SPIDR: variants seen among roughly 807,000 people sequenced by gnomAD.
SPIDR encodes the protein DNA repair-scaffolding protein.
SPIDR carries 93 observed loss-of-function variants against 104.6 expected under a neutral mutation model. The observed-to-expected ratio is 0.89, with a 90% confidence interval of 0.75 to 1.06. The LOEUF (loss-of-function observed/expected upper bound fraction) is 1.06. SPIDR is among the 50% of genes least tolerant of loss of function. The pLI is 0.00. For synonymous variants in SPIDR, 431 were observed against 416.9 expected (o/e 1.03, Z -0.41); for missense variants, 1,154 against 1,111.2 (o/e 1.04, Z -0.55).
intron 10 of SPIDR, among the ~76,000 whole-genome samples, chr8:47,623,882 G>A (rs1168719801): frequency 1.3e-5 from 2 of 152,102 alleles, no homozygotes; most frequent in African/African-American, 2.4e-5. Context: ...TGCACCAAGT[G>A]GAACTAATAG....
chr8:47,396,383 C>T lies in SPIDR; in HGVS notation c.533C>T (p.Ser178Phe). The change falls in exon 6 of 20, where the codon TCT becomes TTT. Residue 178 changes from serine (S) to phenylalanine (F), a missense_variant. By Grantham distance (155) the Ser-to-Phe change is radical (BLOSUM62 -2). Transcript: ENST00000297423. ...EKLSELPKPS[S>F]IEILEYSSDS... The stretch of plus-strand genomic sequence containing the variant: ...CTTTTAATTTTTTTTCAGCCAAGTT[C>T]TATAGAAATTTTAGAGTATTCATCA... The T allele has an allele frequency of 6.2e-7, 1 of 1,600,730 alleles. No individual in the cohort carries two copies. Among genetic ancestry groups the T allele is most frequent in the South Asian group, 1.1e-5 (1 of 89,952 alleles).
At chr8:47,506,604 CGA>C (rs2081521550) in intron 8 of SPIDR, among the ~76,000 whole-genome samples, 1 of 151,886 alleles carries the variant, frequency 6.6e-6, no homozygotes, top group Non-Finnish European at 1.5e-5. Flanking sequence ...CTTGCCACAC[CGA>C]GAGAGGAAGA....
chr8:47,300,219 A>G (rs2041798268), intron 5 of SPIDR, among the ~76,000 whole-genome samples: 1 of 151,894 alleles, frequency 6.6e-6, no homozygotes, highest in Non-Finnish European at 1.5e-5. Flanking sequence ...TTTCTCCTAG[A>G]TTTTCTAATT....
chr8:47,597,010 T>A (rs1002512876), intron 9 of SPIDR, among the ~76,000 whole-genome samples: 1 of 152,198 alleles, frequency 6.6e-6, no homozygotes, highest in African/African-American at 2.4e-5. Context: ...TCTCCTTGGA[T>A]AACAATGCCT....
chr8:47,565,254 AAG>A (rs2057637572), intron 8 of SPIDR, among the ~76,000 whole-genome samples: 1 of 152,180 alleles, frequency 6.6e-6, no homozygotes. Context: ...CTCAAAAAGA[AAG>A]AGGAGAAGAG....
intron 1 of SPIDR, among the ~76,000 whole-genome samples, chr8:47,276,086 C>G (rs2036370582): frequency 1.3e-5 from 2 of 152,180 alleles, no homozygotes; most frequent in South Asian, 4.1e-4. Flanking sequence ...GTCTCAAACT[C>G]CGGGGCTCAA....
chr8:47,574,496 G>C (rs559171368), intron 8 of SPIDR, among the ~76,000 whole-genome samples: 3 of 151,996 alleles, frequency 2.0e-5, no homozygotes, highest in Admixed American at 6.6e-5. Context: ...GGTGGCTCAC[G>C]CCTGTAATCT....
At chr8:47,444,861 A>G (rs1040051984) in intron 8 of SPIDR, among the ~76,000 whole-genome samples, 5 of 152,174 alleles carry the variant, frequency 3.3e-5, no homozygotes, top group Admixed American at 1.3e-4. Flanking sequence ...CACTTTCCAT[A>G]TTCTCAGGAT....
rs757736722 is a variant in SPIDR, at chr8:47,712,782, C to T, written c.2098C>T (p.Pro700Ser). The change falls in exon 15 of 20, where the codon CCC (proline) becomes TCC (serine). Residue 700 changes from proline (P) to serine (S), a missense_variant. By Grantham distance (74) the Pro-to-Ser change is moderately conservative. Coordinates refer to ENST00000297423, the MANE Select transcript of SPIDR (RefSeq NM_001080394.4). ...LPKTLLVYVA[P>S]LCVLGSEVLE... is the part of the protein sequence containing the mutation. ...CAAAACCCTGCTGGTCTATGTGGCCCCCTTGTGTGTGCTGGGCTCTGAAGT... is the reference window on the plus strand; with the variant it reads ...CAAAACCCTGCTGGTCTATGTGGCCTCCTTGTGTGTGCTGGGCTCTGAAGT... 31 of 1,614,020 alleles carry T rather than the reference C, an allele frequency of 1.9e-5. No homozygotes were observed. In the South Asian group the frequency reaches 3.0e-4, roughly 15 times the overall value.
intron 5 of SPIDR, among the ~76,000 whole-genome samples, chr8:47,306,812 G>A (rs2043164189): frequency 1.3e-5 from 2 of 152,144 alleles, no homozygotes; most frequent in South Asian, 4.2e-4. Context: ...TTGTCTTCTT[G>A]TTGTATCAAA....
chr8:47,660,293 T>G (rs2073895478), intron 10 of SPIDR, among the ~76,000 whole-genome samples: 1 of 152,240 alleles, frequency 6.6e-6, no homozygotes. Context: ...AAAAAAATTC[T>G]TAAAGACAAA....
chr8:47,572,811 G>A (rs2058687735), intron 8 of SPIDR, among the ~76,000 whole-genome samples: 1 of 152,142 alleles, frequency 6.6e-6, no homozygotes, highest in African/African-American at 2.4e-5. Flanking sequence ...CCATCGGATG[G>A]GTCTGTTTCC....
rs527671003 is a variant in SPIDR, at chr8:47,631,210, G to A, written c.1544+32014G>A. On this transcript the variant is annotated intron_variant, in intron 10 of 19. Transcript: ENST00000297423. ...TGCAACCCATGGATCCTCTGACTCT[G>A]AAGTGGGCAGACGGGCACCCTAGAC... Among the ~76,000 whole-genome samples the A allele has an allele frequency of 2.0e-5, 3 of 152,320 alleles. No homozygotes were observed. In the South Asian group the frequency reaches 6.2e-4, roughly 32 times the overall value.
chr8:47,579,362 C>G (rs943671702), intron 8 of SPIDR, among the ~76,000 whole-genome samples: 1 of 152,150 alleles, frequency 6.6e-6, no homozygotes, highest in Non-Finnish European at 1.5e-5. Flanking sequence ...GTCTTGAGAA[C>G]CAGAATTATG....
chr8:47,726,601 G>T (rs1302694800), intron 16 of SPIDR, among the ~76,000 whole-genome samples: 3 of 152,180 alleles, frequency 2.0e-5, no homozygotes, highest in Non-Finnish European at 4.4e-5. Flanking sequence ...GGCCCCGTGT[G>T]GCCCGCCCTG....
intron 7 of SPIDR, among the ~76,000 whole-genome samples, chr8:47,420,899 G>T (rs143651800): frequency 0.048 from 7,277 of 152,276 alleles, 214 homozygotes; most frequent in Middle Eastern, 0.061. Flanking sequence ...GAAATTCTGG[G>T]TTGAAAATTA....
chr8:47,285,129 G>A (rs1411637495), intron 3 of SPIDR, among the ~76,000 whole-genome samples: 7 of 152,174 alleles, frequency 4.6e-5, no homozygotes, highest in Admixed American at 4.6e-4. Context: ...CTAATTAAAG[G>A]TGCTTCAGTA....
intron 19 of SPIDR, among the ~76,000 whole-genome samples, chr8:47,730,511 C>T (rs1015738913): frequency 2.0e-5 from 3 of 152,096 alleles, no homozygotes; most frequent in Non-Finnish European, 4.4e-5. Flanking sequence ...CTGGGGAGGC[C>T]GATCATGCCT....
At chr8:47,514,227 G>GT (rs1300159333) in intron 8 of SPIDR, among the ~76,000 whole-genome samples, 8 of 152,188 alleles carry the variant, frequency 5.3e-5, no homozygotes, top group Non-Finnish European at 1.0e-4. Context: ...ACTGATTGAG[G>GT]TTTTTTTCAT....
Sources: gnomAD v4.1 joint callset for allele counts (sites outside exome capture counted in the v4.1 genomes callset) on GRCh38, gnomAD v4.1.1 for gene constraint, MANE v1.5 for transcripts, NCBI Gene and HGNC (gene_info 2026-07-23, HGNC 2026-07-21) for gene names.